Variants in TRDN observed in about 807,000 individuals in gnomAD.
TRDN encodes triadin in skeletal muscle.
Under a neutral mutation model 149.7 loss-of-function variants are expected in TRDN, and 161 were observed. The ratio of observed to expected loss-of-function variants is 1.08; its 90% CI spans 0.95 to 1.23. The LOEUF is 1.23. TRDN is among the 50% of genes most tolerant of loss of function. The probability of loss-of-function intolerance (pLI) is 0.00; values close to 1 mark genes in which losing one functional copy is unlikely to be tolerated. For missense variants in TRDN, 896 were observed against 823.5 expected, an observed-to-expected ratio of 1.09 and a Z score of -1.08; for synonymous variants, 294 against 250.5, an observed-to-expected ratio of 1.17 and a Z score of -1.64.
rs78975764 is a variant in TRDN, at chr6:123,245,751, A to G, written c.1975+6661T>C. On this transcript the variant is annotated intron_variant, in intron 38 of 40. Coordinates refer to ENST00000334268, the MANE Select transcript of TRDN (RefSeq NM_006073.4). ...TCTGACCCAAGCGGACCTAACAGACATCTACAGAACTCTCCAACCAAATCA... is the reference window on the plus strand; with the variant it reads ...TCTGACCCAAGCGGACCTAACAGACGTCTACAGAACTCTCCAACCAAATCA... 3.1e-3 allele frequency among the ~76,000 whole-genome samples: 469 copies of G among 152,310 alleles called. 18 individuals are homozygous for G. In the East Asian group the frequency reaches 0.077, roughly 25 times the overall value.
intron 8 of TRDN, 162 bp downstream of exon 8, chr6:123,503,557 T>A (rs1778789153): frequency 7.0e-7 from 1 of 1,432,818 alleles, no homozygotes; most frequent in East Asian, 2.5e-5. Context: ...TAAATATTAA[T>A]TCCCAATTTA....
At chr6:123,318,277 G>A (rs962645184) in intron 23 of TRDN, among the ~76,000 whole-genome samples, 2 of 151,920 alleles carry the variant, frequency 1.3e-5, no homozygotes, top group Non-Finnish European at 2.9e-5. Context: ...CACAATTCTA[G>A]TGATGAGAAT....
At position 123,347,450 on chromosome 6, in the gene TRDN, A is replaced by T. The variant is rs79353111; in HGVS notation, c.1369+5089T>A. On this transcript the variant is annotated intron_variant, in intron 21 of 40. Coordinates refer to ENST00000334268, the MANE Select transcript of TRDN (RefSeq NM_006073.4). ...ATTATTACTAATTCTCATGCTTACAACCTTACTTAAAGCATTTTATGTCAT... is the reference window on the plus strand; with the variant it reads ...ATTATTACTAATTCTCATGCTTACATCCTTACTTAAAGCATTTTATGTCAT... Among the ~76,000 whole-genome samples the T allele has an allele frequency of 1.7e-3, 266 of 152,102 alleles. 1 individual carries two copies. Among genetic ancestry groups the T allele is most frequent in the African/African-American group, 6.1e-3 (254 of 41,512 alleles).
At chr6:123,506,468 T>G (rs1326092795) in intron 7 of TRDN, among the ~76,000 whole-genome samples, 2 of 152,106 alleles carry the variant, frequency 1.3e-5, no homozygotes, top group Admixed American at 1.3e-4. Context: ...AATTTCTTTA[T>G]TTCTTTTTTA....
chr6:123,304,003 G>C (rs1339224426), intron 24 of TRDN, among the ~76,000 whole-genome samples: 1 of 152,028 alleles, frequency 6.6e-6, no homozygotes, highest in Non-Finnish European at 1.5e-5. Context: ...TTGGATGCTG[G>C]GTTCTGAAAC....
intron 20 of TRDN, among the ~76,000 whole-genome samples, chr6:123,365,223 A>T (rs1781044524): frequency 6.6e-6 from 1 of 152,168 alleles, no homozygotes; most frequent in Admixed American, 6.5e-5. Flanking sequence ...CTGCAAATAC[A>T]GTTCATATTT....
intron 1 of TRDN, among the ~76,000 whole-genome samples, chr6:123,632,929 A>T (rs1405894943): frequency 6.6e-6 from 1 of 151,906 alleles, no homozygotes; most frequent in African/African-American, 2.4e-5. Flanking sequence ...CAGTGTGTAG[A>T]ATATAAATGA....
intron 1 of TRDN, among the ~76,000 whole-genome samples, chr6:123,591,159 A>G (rs1426149521): frequency 6.6e-6 from 1 of 152,230 alleles, no homozygotes; most frequent in African/African-American, 2.4e-5. Context: ...ATAGTAAAAT[A>G]TTTAAGAATT....
chr6:123,519,148 G>A (rs1243394645), intron 5 of TRDN, among the ~76,000 whole-genome samples: 1 of 152,116 alleles, frequency 6.6e-6, no homozygotes, highest in Admixed American at 6.6e-5. Flanking sequence ...TAATTTGTTT[G>A]TCATCCTTAT....
intron 9 of TRDN, among the ~76,000 whole-genome samples, chr6:123,477,950 C>A (rs900480268): frequency 2.6e-5 from 4 of 151,836 alleles, no homozygotes; most frequent in African/African-American, 9.7e-5. Flanking sequence ...GGGAGATATA[C>A]CTAACGCGAG....
intron 12 of TRDN, among the ~76,000 whole-genome samples, chr6:123,402,341 A>C (rs73771949): frequency 6.6e-6 from 1 of 152,102 alleles, no homozygotes; most frequent in Non-Finnish European, 1.5e-5. Flanking sequence ...GATTTAACCA[A>C]TCAAGCTATT....
At chr6:123,433,654 A>T (rs1583014084) in intron 12 of TRDN, among the ~76,000 whole-genome samples, 1 of 152,186 alleles carries the variant, frequency 6.6e-6, no homozygotes, top group Admixed American at 6.5e-5. Context: ...AAAAAATCCT[A>T]TTGGAAAGTG....
chr6:123,394,893 G>A (rs1416813773), intron 12 of TRDN, among the ~76,000 whole-genome samples: 1 of 152,026 alleles, frequency 6.6e-6, no homozygotes, highest in Admixed American at 6.6e-5. Flanking sequence ...ATGCATGCTA[G>A]TACCATCTTT....
At chr6:123,369,931 C>A (rs1484887479) in intron 19 of TRDN, among the ~76,000 whole-genome samples, 1 of 152,134 alleles carries the variant, frequency 6.6e-6, no homozygotes, top group African/African-American at 2.4e-5. Context: ...CACAGACAAC[C>A]ACATCCTTCA....
chr6:123,278,102 C>G (rs916245657), intron 26 of TRDN, among the ~76,000 whole-genome samples: 2 of 152,042 alleles, frequency 1.3e-5, no homozygotes, highest in African/African-American at 4.8e-5. Flanking sequence ...TTCTTCTGAA[C>G]CATGTAAATT....
chr6:123,426,211 T>C, intron 12 of TRDN, among the ~76,000 whole-genome samples: 1 of 152,136 alleles, frequency 6.6e-6, no homozygotes, highest in Admixed American at 6.6e-5. Flanking sequence ...GAGAGATCTC[T>C]TCTAATTTTT....
intron 5 of TRDN, chr6:123,529,004 G>T: frequency 7.6e-7 from 1 of 1,311,094 alleles, no homozygotes; most frequent in Non-Finnish European, 9.7e-7. Flanking sequence ...TCTTAATTAT[G>T]GAAGACTTGC....
rs544898918 is a variant in TRDN, at chr6:123,443,424, G to A, written c.932-4421C>T. Among the ~76,000 whole-genome samples the A allele has an allele frequency of 3.8e-3, 571 of 152,176 alleles. 2 individuals carry two copies. Among genetic ancestry groups the A allele is most frequent in the Non-Finnish European group, 4.2e-3 (289 of 68,010 alleles). On this transcript the variant is annotated intron_variant, in intron 10 of 40. Transcript: ENST00000334268. ...AAAGTGGAAGAGCTTTGGGCTATTA[G>A]GGAGAAGACTTTTCAGCAGAGGAAA...
chr6:123,484,646 G>A (rs190820107), intron 9 of TRDN, among the ~76,000 whole-genome samples: 34 of 152,180 alleles, frequency 2.2e-4, no homozygotes, highest in African/African-American at 6.0e-4. Flanking sequence ...TTGTCTGACA[G>A]CAAGTCCATG....
Sources: allele counts gnomAD v4.1 joint callset (sites outside exome capture counted in the v4.1 genomes callset), GRCh38; gene constraint gnomAD v4.1.1; transcripts MANE v1.5; gene names NCBI Gene and HGNC (gene_info 2026-07-23, HGNC 2026-07-21).